Variants in CNTNAP2 observed in about 807,000 individuals in gnomAD.
CNTNAP2 encodes the protein contactin associated protein 2, also known as contactin-associated protein-like 2.
In CNTNAP2, 98 loss-of-function variants were observed where a neutral mutation model predicts 155.2. The ratio of observed to expected loss-of-function variants is 0.63; its 90% confidence interval spans 0.54 to 0.75. The LOEUF (loss-of-function observed/expected upper bound fraction) is 0.75, where lower values mean the gene tolerates loss of function less well. Ranked by LOEUF, CNTNAP2 falls within the 30% of genes least tolerant of loss-of-function variation. The pLI is 0.00. For synonymous variants in CNTNAP2, 651 were observed against 631.2 expected (o/e 1.03, Z -0.47); for missense variants, 1,727 against 1,688.1 (o/e 1.02, Z -0.40).
intron 1 of CNTNAP2, among the ~76,000 whole-genome samples, chr7:146,566,929 AT>A (rs1288368995): frequency 1.3e-5 from 2 of 152,088 alleles, no homozygotes; most frequent in Non-Finnish European, 2.9e-5. Flanking sequence ...ACCTCATTGT[AT>A]TTATTTACTT....
At chr7:146,986,115 C>T (rs1273896225) in intron 3 of CNTNAP2, among the ~76,000 whole-genome samples, 3 of 152,066 alleles carry the variant, frequency 2.0e-5, no homozygotes, top group African/African-American at 4.8e-5. Context: ...AAGTAGTATA[C>T]ACTGTACTCA....
intron 16 of CNTNAP2, among the ~76,000 whole-genome samples, chr7:148,142,093 C>CTGTGTG (rs71527881): frequency 0.098 from 13,286 of 136,242 alleles, 523 homozygotes; most frequent in Middle Eastern, 0.15. Flanking sequence ...AGATATGTCT[C>CTGTGTG]TGTGTGTGTG....
chr7:148,233,414 T>C (rs1450097361), intron 20 of CNTNAP2, among the ~76,000 whole-genome samples: 1 of 152,080 alleles, frequency 6.6e-6, no homozygotes, highest in African/African-American at 2.4e-5. Context: ...AAATAGAACA[T>C]GATTATCAGG....
chr7:146,918,274 G>A (rs1462284976), intron 3 of CNTNAP2, among the ~76,000 whole-genome samples: 1 of 151,856 alleles, frequency 6.6e-6, no homozygotes, highest in African/African-American at 2.4e-5. Flanking sequence ...TGTTTTATAG[G>A]TCCTGTGAGA....
Position 147,035,706 on chromosome 7 carries a change from C to A in CNTNAP2, c.403-8201C>A, listed in dbSNP as rs754081399. On this transcript the variant is annotated intron_variant, in intron 3 of 23. Coordinates refer to ENST00000361727, the MANE Select transcript of CNTNAP2 (RefSeq NM_014141.6). ...CACTTTTTTTTAGTCTTAAGTAAAA[C>A]CTTTACATGAAGATACAGAGTCTCA... 7.1e-4 allele frequency among the ~76,000 whole-genome samples: 108 copies of A among 152,180 alleles called. 2 individuals are homozygous for A. The highest frequency in any genetic ancestry group is 1.6e-3 in the Admixed American group (24 of 15,290).
intron 1 of CNTNAP2, among the ~76,000 whole-genome samples, chr7:146,662,627 G>A (rs1388886162): frequency 6.6e-6 from 1 of 151,948 alleles, no homozygotes; most frequent in Non-Finnish European, 1.5e-5. Context: ...TTATTTATCA[G>A]TGTTTTTCCT....
chr7:148,398,777 T>A (rs1799524771), intron 22 of CNTNAP2, among the ~76,000 whole-genome samples: 1 of 152,228 alleles, frequency 6.6e-6, no homozygotes, highest in South Asian at 2.1e-4. Context: ...TGTGTTTCTC[T>A]GCAGAAGTCT....
chr7:146,692,565 AT>A (rs1800716003), intron 1 of CNTNAP2, among the ~76,000 whole-genome samples: 6 of 152,150 alleles, frequency 3.9e-5, no homozygotes, highest in Admixed American at 3.9e-4. Flanking sequence ...GACCATTTTG[AT>A]TGTGGTTAAC....
intron 8 of CNTNAP2, among the ~76,000 whole-genome samples, chr7:147,199,450 A>G: frequency 6.6e-6 from 1 of 152,242 alleles, no homozygotes; most frequent in African/African-American, 2.4e-5. Context: ...ATATACTATG[A>G]AAGCTAAAAC....
At chr7:146,395,294 T>C (rs1192536854) in intron 1 of CNTNAP2, among the ~76,000 whole-genome samples, 1 of 152,116 alleles carries the variant, frequency 6.6e-6, no homozygotes, top group African/African-American at 2.4e-5. Flanking sequence ...GTGGTGGGTG[T>C]GGGATTCAAA....
intron 20 of CNTNAP2, among the ~76,000 whole-genome samples, chr7:148,245,388 T>A (rs1016617602): frequency 1.4e-4 from 21 of 152,186 alleles, no homozygotes; most frequent in Middle Eastern, 3.2e-3. Flanking sequence ...TATGGTGGGA[T>A]CCCACCTGCA....
At chr7:146,879,645 T>C (rs1795498999) in intron 3 of CNTNAP2, among the ~76,000 whole-genome samples, 2 of 152,098 alleles carry the variant, frequency 1.3e-5, no homozygotes. Context: ...GACAAATGCC[T>C]GGGTCCAGAA....
At chr7:147,681,912 C>T (rs893636923) in intron 13 of CNTNAP2, among the ~76,000 whole-genome samples, 1 of 151,444 alleles carries the variant, frequency 6.6e-6, no homozygotes, top group Non-Finnish European at 1.5e-5. Flanking sequence ...AATGTGTCAC[C>T]CATGGATAAA....
chr7:146,629,064 C>T (rs546950968), intron 1 of CNTNAP2, among the ~76,000 whole-genome samples: 5 of 152,200 alleles, frequency 3.3e-5, no homozygotes, highest in South Asian at 2.1e-4. Context: ...TTTTAGGTCA[C>T]AATACATGCT....
chr7:148,254,890 C>T (rs576422353), intron 20 of CNTNAP2, among the ~76,000 whole-genome samples: 1 of 151,858 alleles, frequency 6.6e-6, no homozygotes, highest in East Asian at 1.9e-4. Context: ...TTCTTCCTCC[C>T]TTTTCCACGC....
At chr7:147,523,196 A>C (rs2116710325) in intron 11 of CNTNAP2, among the ~76,000 whole-genome samples, 1 of 152,256 alleles carries the variant, frequency 6.6e-6, no homozygotes, top group South Asian at 2.1e-4. Context: ...GGCAAGTCTC[A>C]GCTCTTTGCT....
At chr7:148,219,948 A>T (rs1344664297) in intron 19 of CNTNAP2, among the ~76,000 whole-genome samples, 2 of 152,188 alleles carry the variant, frequency 1.3e-5, no homozygotes, top group Non-Finnish European at 2.9e-5. Context: ...CTTGAGTTTT[A>T]AAAAAACAGT....
At chr7:147,633,696 A>T (rs186783699) in intron 12 of CNTNAP2, among the ~76,000 whole-genome samples, 5 of 152,144 alleles carry the variant, frequency 3.3e-5, no homozygotes, top group East Asian at 3.9e-4. Flanking sequence ...GTTAGTTCTC[A>T]TAAGGTCTGA....
intron 11 of CNTNAP2, among the ~76,000 whole-genome samples, chr7:147,521,246 C>CCAT (rs1272269361): frequency 6.6e-6 from 1 of 152,158 alleles, no homozygotes; most frequent in Non-Finnish European, 1.5e-5. Context: ...GTTGTTCATG[C>CCAT]CATTCTCCTT....
Sources: gnomAD v4.1 joint callset for allele counts (sites outside exome capture counted in the v4.1 genomes callset) on GRCh38, gnomAD v4.1.1 for gene constraint, MANE v1.5 for transcripts, NCBI Gene and HGNC (gene_info 2026-07-23, HGNC 2026-07-21) for gene names.